EYS: variants seen among roughly 807,000 people sequenced by gnomAD.
EYS encodes protein eyes shut homolog.
EYS carries 250 observed loss-of-function variants against 282.1 expected under a neutral mutation model. That is an observed-to-expected ratio of 0.89 (90% confidence interval 0.80 to 0.98). The LOEUF (loss-of-function observed/expected upper bound fraction) is 0.98, where lower values mean the gene tolerates loss of function less well. Among genes scored for constraint, EYS ranks in the 50% least tolerant of loss-of-function variants. EYS has a pLI of 0.00. For missense variants in EYS, 4,016 were observed against 3,709.0 expected (o/e 1.08, Z -2.15); for synonymous variants, 1,355 against 1,282.9 (o/e 1.06, Z -1.20).
chr6:64,465,660 A>T (rs1052662732), intron 26 of EYS, among the ~76,000 whole-genome samples: 6 of 152,090 alleles, frequency 3.9e-5, no homozygotes, highest in South Asian at 2.1e-4. Flanking sequence ...GAAAACATTG[A>T]GGAAGAAGTT....
chr6:64,851,823 G>C (rs1244988698), intron 19 of EYS, among the ~76,000 whole-genome samples: 3 of 152,000 alleles, frequency 2.0e-5, no homozygotes, highest in Non-Finnish European at 4.4e-5. Context: ...GAAGGGAAAG[G>C]ATCAGGAAAA....
intron 22 of EYS, among the ~76,000 whole-genome samples, chr6:64,674,642 T>C (rs544566231): frequency 1.3e-5 from 2 of 152,142 alleles, no homozygotes; most frequent in Admixed American, 1.3e-4. Context: ...AGAAAGTCCT[T>C]GGCTTATCTT....
At chr6:65,485,101 T>C (rs1765741415) in intron 5 of EYS, among the ~76,000 whole-genome samples, 1 of 152,212 alleles carries the variant, frequency 6.6e-6, no homozygotes. Context: ...AATAAATACT[T>C]ACTTTTTAAT....
intron 41 of EYS, among the ~76,000 whole-genome samples, chr6:63,748,800 A>T (rs542334377): frequency 6.6e-6 from 1 of 152,066 alleles, no homozygotes; most frequent in Non-Finnish European, 1.5e-5. Flanking sequence ...TTCTCTGATG[A>T]TTATTTGTAT....
chr6:63,969,033 C>T (rs1283005754), intron 35 of EYS, among the ~76,000 whole-genome samples: 5 of 152,006 alleles, frequency 3.3e-5, no homozygotes, highest in African/African-American at 9.7e-5. Flanking sequence ...TAATATATTC[C>T]ACTTACAAAT....
intron 12 of EYS, among the ~76,000 whole-genome samples, chr6:65,117,137 T>C (rs950001826): frequency 1.3e-5 from 2 of 152,212 alleles, no homozygotes; most frequent in Non-Finnish European, 2.9e-5. Context: ...GCCCAAAGGC[T>C]GCCTTAAGCT....
intron 29 of EYS, among the ~76,000 whole-genome samples, chr6:64,347,291 G>T (rs1429220857): frequency 1.3e-5 from 2 of 151,488 alleles, no homozygotes; most frequent in African/African-American, 2.4e-5. Flanking sequence ...AGCCAAAATT[G>T]TGAAACTAAC....
chr6:65,670,926 A>T (rs1182794486), intron 1 of EYS, among the ~76,000 whole-genome samples: 1 of 152,026 alleles, frequency 6.6e-6, no homozygotes, highest in Non-Finnish European at 1.5e-5. Flanking sequence ...CTTTTCACCG[A>T]GACACATTTA....
chr6:63,850,564 C>T (rs1288338664), intron 36 of EYS, among the ~76,000 whole-genome samples: 1 of 152,138 alleles, frequency 6.6e-6, no homozygotes, highest in African/African-American at 2.4e-5. Flanking sequence ...AATTTCATAT[C>T]CAGTCAAACT....
chr6:64,813,314 A>G, intron 22 of EYS, 64 bp downstream of exon 22: 1 of 1,226,282 alleles, frequency 8.2e-7, no homozygotes, highest in Middle Eastern at 1.9e-4. Context: ...GTGCATTACT[A>G]GTGGGATGTT....
chr6:64,439,202 C>T lies in EYS; in HGVS notation c.5795G>A (p.Gly1932Glu), dbSNP rs760577014. ...TTCAATAAACAATTGAATAAAAAATCCATCTACTAAATTTGAGTCTTGCTT... is the reference window on the plus strand; with the variant it reads ...TTCAATAAACAATTGAATAAAAAATTCATCTACTAAATTTGAGTCTTGCTT... ...YVKQDSNLVD[G>E]FFIQLFIENG... The change falls in exon 27 of 43, where the codon GGA becomes GAA. Residue 1932 changes from glycine (G) to glutamate (E), a missense_variant. Coordinates refer to ENST00000503581, the MANE Select transcript of EYS (RefSeq NM_001142800.2). The T allele has an allele frequency of 4.1e-6, 6 of 1,473,222 alleles. No homozygotes were observed. The South Asian group carries it at 8.7e-5, about 21-fold the overall frequency. The allele number at this position is 1,473,222 out of a possible 1,614,324, so 91.3% of individuals were successfully genotyped here. A position where few individuals can be genotyped will look rare whatever the true frequency, so the allele number is the denominator to read the frequency against.
chr6:64,104,839 T>G (rs1772952796), intron 31 of EYS, among the ~76,000 whole-genome samples: 1 of 151,788 alleles, frequency 6.6e-6, no homozygotes, highest in Admixed American at 6.6e-5. Flanking sequence ...TTAAAATTGT[T>G]ATGACATCTT....
chr6:63,894,829 C>T (rs321510), intron 35 of EYS, among the ~76,000 whole-genome samples: 70,189 of 151,736 alleles, frequency 0.46, 17,837 homozygotes, highest in Non-Finnish European at 0.56. Flanking sequence ...CCTCGTGATC[C>T]GGCTGCCTCG....
At chr6:65,434,395 A>G (rs1767990886) in intron 5 of EYS, among the ~76,000 whole-genome samples, 1 of 149,706 alleles carries the variant, frequency 6.7e-6, no homozygotes, top group South Asian at 2.1e-4. Context: ...ATCTCGGCTC[A>G]CTGCAAGCTC....
At chr6:65,689,221 G>C (rs904441942) in intron 1 of EYS, among the ~76,000 whole-genome samples, 2 of 149,442 alleles carry the variant, frequency 1.3e-5, no homozygotes, top group Non-Finnish European at 3.0e-5. Flanking sequence ...CATGTCCCTT[G>C]TAGGGACATG....
At chr6:64,704,008 A>G (rs931785418) in intron 22 of EYS, among the ~76,000 whole-genome samples, 1 of 152,060 alleles carries the variant, frequency 6.6e-6, no homozygotes, top group Non-Finnish European at 1.5e-5. Context: ...AATGTATTTA[A>G]TTGACTAAAC....
At chr6:64,338,261 T>G (rs763678599) in intron 29 of EYS, among the ~76,000 whole-genome samples, 3 of 151,946 alleles carry the variant, frequency 2.0e-5, no homozygotes, top group Non-Finnish European at 2.9e-5. Flanking sequence ...CTCCTAGAAC[T>G]GATGAAGAAT....
At chr6:63,848,997 A>C (rs1004817437) in intron 36 of EYS, among the ~76,000 whole-genome samples, 1 of 152,254 alleles carries the variant, frequency 6.6e-6, no homozygotes, top group Non-Finnish European at 1.5e-5. Context: ...GCTTCGTCGG[A>C]GGAGGAGGGT....
chr6:65,600,601 C>T (rs185974251), intron 2 of EYS, among the ~76,000 whole-genome samples: 178 of 152,092 alleles, frequency 1.2e-3, no homozygotes, highest in Non-Finnish European at 1.6e-3. Context: ...CTCGTGAACA[C>T]GAAAACAAGT....
Sources: gnomAD v4.1 joint callset for allele counts (sites outside exome capture counted in the v4.1 genomes callset) on GRCh38, gnomAD v4.1.1 for gene constraint, MANE v1.5 for transcripts, NCBI Gene and HGNC (gene_info 2026-07-23, HGNC 2026-07-21) for gene names.